Variants in EPG5 observed in about 807,000 individuals in gnomAD.
The protein encoded by EPG5 is ectopic P granules protein 5 homolog.
In EPG5, 159 loss-of-function variants were observed where a neutral mutation model predicts 302.7. The observed-to-expected ratio is 0.53, with a 90% CI of 0.46 to 0.60. EPG5 has a LOEUF of 0.60. EPG5 is among the 20% of genes least tolerant of loss of function. The probability of loss-of-function intolerance (pLI) is 0.00; values close to 1 mark genes in which losing one functional copy is unlikely to be tolerated. For synonymous variants in EPG5, 1,158 were observed against 1,136.8 expected, an observed-to-expected ratio of 1.02 and a Z score of -0.37; for missense variants, 2,896 against 3,092.4, an observed-to-expected ratio of 0.94 and a Z score of 1.51.
rs2049017211 is a variant in EPG5, at chr18:45,878,367, A to C, written c.5942+9T>G. 6.3e-7 allele frequency: 1 copy of C among 1,580,764 alleles called. No homozygotes were observed. Among genetic ancestry groups the C allele is most frequent in the South Asian group, 1.1e-5 (1 of 90,172 alleles). ...TCAAAGGAATTTGAATATCTAAAAA[A>C]CTGTTTACCTTTCGTTGTCCTCTAA... On this transcript the variant is annotated intron_variant, in intron 34 of 43. Coordinates refer to ENST00000282041, the MANE Select transcript of EPG5 (RefSeq NM_020964.3).
intron 39 of EPG5, among the ~76,000 whole-genome samples, chr18:45,860,561 C>T (rs573059069): frequency 1.3e-5 from 2 of 152,206 alleles, no homozygotes; most frequent in Admixed American, 6.5e-5. Flanking sequence ...GCAGGAACTA[C>T]TGTGAGTTCC....
chr18:45,944,178 G>T, intron 7 of EPG5, 59 bp from the exon 8 acceptor site: 4 of 1,040,538 alleles, frequency 3.8e-6, no homozygotes, highest in Non-Finnish European at 6.0e-6. Flanking sequence ...CTATGATCTA[G>T]CGTTACAGGA....
rs761157349 is a variant in EPG5, at chr18:45,951,181, C to T, written c.1310G>A (p.Ser437Asn). 6.3e-7 allele frequency: 1 copy of T among 1,595,396 alleles called. No homozygotes were observed. Among genetic ancestry groups the T allele is most frequent in the Non-Finnish European group, 8.5e-7 (1 of 1,172,198 alleles). ...SDLCQLKECI[S>N]VLFMFTRRVN... ...TCTCCTGGTGAACATGAATAAGACA[C>T]TAATGCATTCCTTTAGTTGACACAG... is the stretch of plus-strand genomic sequence containing the variant. The change falls in exon 4 of 44, where the codon AGT becomes AAT. Residue 437 changes from serine (S) to asparagine (N), a missense_variant. By Grantham distance (46) the Ser-to-Asn change is conservative. Around this residue, in one of 5 missense-constraint regions of EPG5, gnomAD observed 1,390 missense variants for 1,430.0 expected, o/e 0.97. Coordinates refer to ENST00000282041, the MANE Select transcript of EPG5 (RefSeq NM_020964.3).
In EPG5 at chr18:45,944,338, C is replaced by T. The variant is rs559822091; in HGVS notation, c.1678-219G>A. Among the ~76,000 whole-genome samples the T allele has an allele frequency of 3.3e-5, 5 of 152,256 alleles. No homozygotes were observed. The East Asian group carries it at 9.6e-4, about 29-fold the overall frequency. On this transcript the variant is annotated intron_variant, in intron 7 of 43. Transcript: ENST00000282041. Reference sequence around the variant, plus strand: ...ATTCCAAGCACAATTTTATATGTATCTGGGTCACAGCAAGTGATTGAAACT... The same window carrying T: ...ATTCCAAGCACAATTTTATATGTATTTGGGTCACAGCAAGTGATTGAAACT...
In EPG5 at chr18:45,955,224, G is replaced by C; in HGVS notation, c.178C>G (p.Leu60Val). Reference sequence around the variant, plus strand: ...AGCTGGGAATCAGTTACCACCTTCAGATGGTCTCCTTTGAATTCACAGGCT... The same window carrying C: ...AGCTGGGAATCAGTTACCACCTTCACATGGTCTCCTTTGAATTCACAGGCT... ...SLACEFKGDH[L>V]KVVTDSQLQD... Residue 60 changes from leucine to valine, a missense_variant, in exon 2 of 44, where the codon CTG (leucine) becomes GTG (valine). This residue lies in a region of EPG5 where 1,390 missense variants were observed against 1,430.0 expected (regional missense o/e 0.97). Transcript: ENST00000282041. 1 of 1,614,202 alleles carries C rather than the reference G, an allele frequency of 6.2e-7. No homozygotes were observed.
chr18:45,828,502 G>A, the EPG5 span, among the ~76,000 whole-genome samples: 1 of 152,168 alleles, frequency 6.6e-6, no homozygotes. Flanking sequence ...AGTGACCTTG[G>A]ACAAGGCCTC....
Position 45,849,042 on chromosome 18 carries a change from C to G in EPG5, c.*3425G>C, listed in dbSNP as rs2048391317. On this transcript the variant is annotated 3_prime_UTR_variant, in exon 44 of 44. Coordinates refer to ENST00000282041, the MANE Select transcript of EPG5 (RefSeq NM_020964.3). ...GAGGTTGCAGTGAGCCGAGACCATGCCATTGCACTCCAGCCTGGGTGACAG... is the reference window on the plus strand; with the variant it reads ...GAGGTTGCAGTGAGCCGAGACCATGGCATTGCACTCCAGCCTGGGTGACAG... 1 of 145,634 alleles carries G rather than the reference C, an allele frequency of 6.9e-6. No homozygotes were observed. The highest frequency in any genetic ancestry group is 2.0e-4 in the East Asian group (1 of 4,934). The allele number at this position is 145,634 out of a possible 1,614,324, so 9.0% of individuals were successfully genotyped here. A position where few individuals can be genotyped will look rare whatever the true frequency, so the allele number is the denominator to read the frequency against.
chr18:45,900,969 A>G lies in EPG5; in HGVS notation c.4646+27T>C. 3 of 1,590,362 alleles carry G rather than the reference A, an allele frequency of 1.9e-6. 1 individual carries two copies. The South Asian group carries it at 3.4e-5, about 18-fold the overall frequency. On this transcript the variant is annotated intron_variant, in intron 26 of 43. Coordinates refer to ENST00000282041, the MANE Select transcript of EPG5 (RefSeq NM_020964.3). ...CTGTCAAAGCCACCAACATGGGAAC[A>G]TGATCCGTGAGGCTGCATGGTCTTA...
chr18:45,950,711 T>C (rs1008251924), intron 4 of EPG5, among the ~76,000 whole-genome samples: 8 of 152,224 alleles, frequency 5.3e-5, no homozygotes, highest in Non-Finnish European at 1.2e-4. Context: ...GGTGTGGAAT[T>C]TTCCACTTGT....
intron 40 of EPG5, 77 bp downstream of exon 40, chr18:45,860,027 A>G: frequency 6.4e-7 from 1 of 1,553,348 alleles, no homozygotes; most frequent in South Asian, 1.2e-5. Context: ...GAGTCTGGAA[A>G]CATATCTGCT....
chr18:45,961,274 C>A (rs1437852560), intron 1 of EPG5, among the ~76,000 whole-genome samples: 2 of 152,204 alleles, frequency 1.3e-5, no homozygotes, highest in South Asian at 2.1e-4. Context: ...AATCATGTCA[C>A]TCCTCTGCTC....
rs1292886679 is a variant in EPG5 at position 45,915,516 on chromosome 18, T to A, written c.3688A>T (p.Thr1230Ser). The change falls in exon 20 of 44, where the codon ACT becomes TCT. Residue 1230 changes from threonine (T) to serine (S), a missense_variant. Physicochemically the swap from Thr to Ser is moderately conservative, Grantham distance 58. Around this residue, in one of 5 missense-constraint regions of EPG5, gnomAD observed 64 missense variants for 101.8 expected, o/e 0.63. Coordinates refer to ENST00000282041, the MANE Select transcript of EPG5 (RefSeq NM_020964.3). ...CCTCTCAGTGAGTTTCCTACCTGAGTGGGCGTGGCCAAGCCCTCCACAAAG... is the reference window on the plus strand; with the variant it reads ...CCTCTCAGTGAGTTTCCTACCTGAGAGGGCGTGGCCAAGCCCTCCACAAAG... ...PSFVEGLATPTQVWFAWTVLN... is the reference protein window; with the variant it reads ...PSFVEGLATPSQVWFAWTVLN... 6.2e-7 allele frequency: 1 copy of A among 1,609,968 alleles called. No homozygotes were observed. The highest frequency in any genetic ancestry group is 8.5e-7 in the Non-Finnish European group (1 of 1,176,448).
intron 9 of EPG5, 60 bp from the exon 10 acceptor site, chr18:45,939,815 T>C: frequency 3.4e-6 from 5 of 1,462,586 alleles, no homozygotes; most frequent in Non-Finnish European, 4.7e-6. Flanking sequence ...CACCTTTATA[T>C]TACATTTCCA....
intron 22 of EPG5, among the ~76,000 whole-genome samples, chr18:45,911,555 G>T (rs1238409236): frequency 6.6e-6 from 1 of 152,036 alleles, no homozygotes; most frequent in African/African-American, 2.4e-5. Flanking sequence ...GCCTCCCAAA[G>T]TGCTGGGATT....
At chr18:45,934,772 G>C (rs145910736) in intron 11 of EPG5, 37 bp downstream of exon 11, 3 of 1,566,698 alleles carry the variant, frequency 1.9e-6, no homozygotes, top group South Asian at 2.4e-5. Flanking sequence ...CAAAAAGATA[G>C]GGAGAGCTGG....
intron 7 of EPG5, 63 bp from the exon 8 acceptor site, chr18:45,944,182 T>A: frequency 1.0e-6 from 1 of 982,156 alleles, no homozygotes; most frequent in Non-Finnish European, 1.6e-6. Flanking sequence ...GATCTAGCGT[T>A]ACAGGAGCTA....
chr18:45,876,134 C>T, intron 35 of EPG5, 102 bp downstream of exon 35: 1 of 715,778 alleles, frequency 1.4e-6, no homozygotes, highest in South Asian at 1.7e-5. Flanking sequence ...TCACAAATAA[C>T]TGCCTATTAA....
Position 45,897,428 on chromosome 18 carries a change from G to A in EPG5, c.4809+1976C>T, listed in dbSNP as rs140789963. Among the ~76,000 whole-genome samples the A allele has an allele frequency of 5.2e-3, 786 of 151,960 alleles. 7 individuals carry two copies. Among genetic ancestry groups the A allele is most frequent in the African/African-American group, 0.018 (737 of 41,346 alleles). On this transcript the variant is annotated intron_variant, in intron 27 of 43. Transcript: ENST00000282041. ...AGACACCCCTTTTTTTATTAAAACC[G>A]GATACATTTTCAGTTTTTTCCTCAC... is the stretch of plus-strand genomic sequence containing the variant.
the EPG5 span, among the ~76,000 whole-genome samples, chr18:45,830,461 A>T: frequency 6.6e-6 from 1 of 152,204 alleles, no homozygotes; most frequent in African/African-American, 2.4e-5. Context: ...GCAAGGAGGC[A>T]TGAAGGGAGC....
Sources: allele counts gnomAD v4.1 joint callset (sites outside exome capture counted in the v4.1 genomes callset), GRCh38; gene constraint gnomAD v4.1.1; regional missense constraint gnomAD v4.1.1; transcripts MANE v1.5; gene names NCBI Gene and HGNC (gene_info 2026-07-23, HGNC 2026-07-21).